Variants in HSF2BP observed in about 807,000 individuals in gnomAD.
HSF2BP encodes the protein heat shock transcription factor 2 binding protein.
In HSF2BP, 35 loss-of-function variants were observed where a neutral mutation model predicts 35.0. That is an observed-to-expected ratio of 1.00 (90% CI 0.76 to 1.32). The LOEUF (loss-of-function observed/expected upper bound fraction) is 1.32. Ranked by LOEUF, HSF2BP falls within the 40% of genes most tolerant of loss-of-function variation. The pLI is 0.00. For synonymous variants in HSF2BP, 114 were observed against 117.4 expected (o/e 0.97, Z 0.18); for missense variants, 326 against 321.7 (o/e 1.01, Z -0.10).
chr21:43,575,713 T>G (rs915389765), intron 8 of HSF2BP, among the ~76,000 whole-genome samples: 1 of 152,244 alleles, frequency 6.6e-6, no homozygotes, highest in Admixed American at 6.5e-5. Context: ...AGGATCCCAC[T>G]ATAGACTAAA....
Position 43,633,415 on chromosome 21 carries a change from GT to G in HSF2BP, c.297del (p.Lys99AsnfsTer8). The stretch of plus-strand genomic sequence containing the variant: ...TCATTCAACTGCTGTCGAAGAGCCA[GT>G]TTCTCCTAAAAGCAAAACAAAATTG... ...QADNIREKKEKLALRQQLNEA... is the reference protein window; with the variant it reads ...QADNIREKKEXLALRQQLNEA... On this transcript the variant is annotated frameshift_variant, in exon 5 of 9. Transcript: ENST00000291560. LOFTEE classifies it high-confidence loss of function. 5 of 1,607,404 alleles carry G rather than the reference GT, an allele frequency of 3.1e-6. No homozygotes were observed. The highest frequency in any genetic ancestry group is 4.2e-6 in the Non-Finnish European group (5 of 1,178,180).
At chr21:43,641,094 G>T (rs1447865930) in intron 4 of HSF2BP, among the ~76,000 whole-genome samples, 2 of 152,124 alleles carry the variant, frequency 1.3e-5, no homozygotes, top group African/African-American at 4.8e-5. Context: ...CCAGGTTCAC[G>T]CCATTCTCCT....
intron 4 of HSF2BP, among the ~76,000 whole-genome samples, chr21:43,643,886 C>T (rs1197520186): frequency 6.6e-6 from 1 of 150,930 alleles, no homozygotes; most frequent in East Asian, 1.9e-4. Flanking sequence ...ACCCAGGAGG[C>T]GGAGCTTGCA....
intron 8 of HSF2BP, among the ~76,000 whole-genome samples, chr21:43,573,167 T>G (rs1462112452): frequency 6.6e-6 from 1 of 152,186 alleles, no homozygotes; most frequent in Non-Finnish European, 1.5e-5. Context: ...AAAAGCAGGG[T>G]TTGATCCTGG....
chr21:43,587,989 G>A (rs779536484), intron 8 of HSF2BP, among the ~76,000 whole-genome samples: 52 of 152,332 alleles, frequency 3.4e-4, no homozygotes, highest in Middle Eastern at 3.4e-3. Flanking sequence ...ATTACTGGCT[G>A]CAAATTAGCC....
chr21:43,607,877 G>A (rs575168231), intron 7 of HSF2BP, among the ~76,000 whole-genome samples: 1 of 152,246 alleles, frequency 6.6e-6, no homozygotes, highest in African/African-American at 2.4e-5. Context: ...ATGGTGCTGG[G>A]AAAAATAGCT....
chr21:43,658,003 G>A (rs2082901589), intron 2 of HSF2BP, 58 bp downstream of exon 2: 1 of 1,534,134 alleles, frequency 6.5e-7, no homozygotes, highest in African/African-American at 1.4e-5. Flanking sequence ...GAGGCCCTGA[G>A]GGGAGCGAAT....
At chr21:43,593,494 C>G (rs755964729) in intron 7 of HSF2BP, among the ~76,000 whole-genome samples, 11 of 151,956 alleles carry the variant, frequency 7.2e-5, no homozygotes, top group Admixed American at 2.6e-4. Context: ...GCACAAAGAA[C>G]CAATAACAGG....
chr21:43,589,603 T>C (rs909447984), intron 8 of HSF2BP, among the ~76,000 whole-genome samples: 13 of 152,148 alleles, frequency 8.5e-5, no homozygotes, highest in Non-Finnish European at 1.6e-4. Flanking sequence ...TACCTGACTT[T>C]AAGATTTATT....
At chr21:43,642,029 C>A (rs2082643270) in intron 4 of HSF2BP, among the ~76,000 whole-genome samples, 1 of 152,012 alleles carries the variant, frequency 6.6e-6, no homozygotes, top group African/African-American at 2.4e-5. Flanking sequence ...GGTGCAGTGG[C>A]CCATGCCTGT....
rs183731733 is a variant in HSF2BP at position 43,612,253 on chromosome 21, G to T, written c.692+1577C>A. ...AAATTACTTGGCATATGAAGAAACA[G>T]GAAAATCTCAACTCTCATGGGAAAA... On this transcript the variant is annotated intron_variant, in intron 7 of 8. Coordinates refer to ENST00000291560, the MANE Select transcript of HSF2BP (RefSeq NM_007031.2). Among the ~76,000 whole-genome samples the T allele has an allele frequency of 6.4e-4, 98 of 152,284 alleles. 1 individual carries two copies. The highest frequency in any genetic ancestry group is 5.4e-3 in the Admixed American group (82 of 15,288).
At chr21:43,599,884 A>G (rs1191141270) in intron 7 of HSF2BP, among the ~76,000 whole-genome samples, 4 of 151,220 alleles carry the variant, frequency 2.6e-5, no homozygotes, top group Non-Finnish European at 5.9e-5. Flanking sequence ...AAAAAAAAAA[A>G]GTAGGCAAAT....
At chr21:43,654,805 A>G (rs1337192696) in intron 3 of HSF2BP, among the ~76,000 whole-genome samples, 3 of 152,236 alleles carry the variant, frequency 2.0e-5, no homozygotes, top group Non-Finnish European at 4.4e-5. Context: ...GTGAGTGTGC[A>G]TGAGACTGCC....
intron 3 of HSF2BP, among the ~76,000 whole-genome samples, chr21:43,653,224 A>AAGGGG (rs2082818639): frequency 8.6e-6 from 1 of 116,500 alleles, no homozygotes; most frequent in African/African-American, 3.2e-5. Context: ...AGGGGAAGGG[A>AAGGGG]AGGGAAGGGG....
intron 7 of HSF2BP, among the ~76,000 whole-genome samples, chr21:43,604,737 A>T (rs1430608443): frequency 6.9e-6 from 1 of 144,174 alleles, no homozygotes. Flanking sequence ...TACACCACAC[A>T]CACACCACTC....
intron 8 of HSF2BP, among the ~76,000 whole-genome samples, chr21:43,573,073 GTGAA>G (rs1362320506): frequency 1.3e-5 from 2 of 152,232 alleles, no homozygotes; most frequent in Non-Finnish European, 2.9e-5. Context: ...CCATGAGTGA[GTGAA>G]TGAAAGAACG....
chr21:43,632,276 CCA>C (rs151264343), intron 5 of HSF2BP, among the ~76,000 whole-genome samples: 44 of 82,526 alleles, frequency 5.3e-4, no homozygotes, highest in Non-Finnish European at 9.7e-4. Context: ...CACGCTCCCC[CCA>C]CACACACACA....
Position 43,644,276 on chromosome 21 carries a change from CTGAGCATG to C in HSF2BP, c.291+5_291+12del. 1 of 1,607,586 alleles carries C rather than the reference CTGAGCATG, an allele frequency of 6.2e-7. No homozygotes were observed. ...TTTCTGGCTTGGTGAGAGTCTGTCC[CTGAGCATG>C]GTACCTTCTTCTCTCTTATGTTGTC... is the stretch of plus-strand genomic sequence containing the variant. On this transcript the variant is annotated splice_donor_5th_base_variant and intron_variant, in intron 4 of 8. Transcript: ENST00000291560.
chr21:43,637,637 T>C (rs1449498442), intron 4 of HSF2BP, among the ~76,000 whole-genome samples: 2 of 150,324 alleles, frequency 1.3e-5, no homozygotes, highest in African/African-American at 4.9e-5. Flanking sequence ...CAAGACCCTA[T>C]CTCTACAAAA....
Sources: gnomAD v4.1 joint callset for allele counts (sites outside exome capture counted in the v4.1 genomes callset) on GRCh38, gnomAD v4.1.1 for gene constraint, MANE v1.5 for transcripts, NCBI Gene and HGNC (gene_info 2026-07-23, HGNC 2026-07-21) for gene names.